The following IGSF9B variants were observed in gnomAD, a reference collection of about 807,000 sequenced individuals.
IGSF9B encodes the protein immunoglobulin superfamily member 9B, also known as protein turtle homolog B.
IGSF9B carries 48 observed loss-of-function variants against 143.7 expected under a neutral mutation model. That is an observed-to-expected ratio of 0.33 (90% CI 0.26 to 0.42). The LOEUF is 0.42. Ranked by LOEUF, IGSF9B falls within the 20% of genes least tolerant of loss-of-function variation. The pLI is 1.00. For synonymous variants in IGSF9B, 903 were observed against 833.1 expected (o/e 1.08, Z -1.44); for missense variants, 1,706 against 1,980.0 (o/e 0.86, Z 2.63).
intron 3 of IGSF9B, among the ~76,000 whole-genome samples, chr11:133,943,045 C>T (rs1048706906): frequency 3.3e-5 from 5 of 152,114 alleles, no homozygotes; most frequent in African/African-American, 1.2e-4. Context: ...CTGGCCCAGC[C>T]CCCCCAGGCA....
rs978884738 is a variant in IGSF9B, at chr11:133,898,293, C to A, written c.*10776G>T. On this transcript the variant is annotated 3_prime_UTR_variant, in exon 20 of 20. Coordinates refer to ENST00000533871, the MANE Select transcript of IGSF9B (RefSeq NM_001277285.4). ...AAGAAGAACTACAGCAAGAGGCTGCCGCGCACCGAGAGGTACAGAGTTTGT... is the reference window on the plus strand; with the variant it reads ...AAGAAGAACTACAGCAAGAGGCTGCAGCGCACCGAGAGGTACAGAGTTTGT... 2.6e-5 allele frequency: 4 copies of A among 152,352 alleles called. No individual in the cohort carries two copies. Among genetic ancestry groups the A allele is most frequent in the Non-Finnish European group, 5.9e-5 (4 of 68,176 alleles). The allele number at this position is 152,352 out of a possible 1,614,324, so 9.4% of individuals were successfully genotyped here.
At position 133,931,196 on chromosome 11, in the gene IGSF9B, G is replaced by A. The variant is rs1340641994; in HGVS notation, c.1369-62C>T. The A allele has an allele frequency of 7.9e-6, 12 of 1,524,416 alleles. No homozygotes were observed. The highest frequency in any genetic ancestry group is 4.6e-5 in the East Asian group (2 of 43,880). The allele number at this position is 1,524,416 out of a possible 1,614,324, so 94.4% of individuals were successfully genotyped here. On this transcript the variant is annotated intron_variant, in intron 10 of 19. Transcript: ENST00000533871. The surrounding 1 kb of genome is among the most constrained non-coding windows in gnomAD (Gnocchi z 7.7). Reference sequence around the variant, plus strand: ...GAAATGGGGGTTAGGAGAGAAGCCCGAAGCAGATGGGGAGGACGCGCCTGA... The same window carrying A: ...GAAATGGGGGTTAGGAGAGAAGCCCAAAGCAGATGGGGAGGACGCGCCTGA...
At chr11:133,949,417 G>A (rs1338717502) in intron 1 of IGSF9B, among the ~76,000 whole-genome samples, 1 of 152,060 alleles carries the variant, frequency 6.6e-6, no homozygotes, top group Non-Finnish European at 1.5e-5. Context: ...GCCAAAGTAT[G>A]TCTAATAACA....
intron 13 of IGSF9B, 98 bp from the exon 14 acceptor site, chr11:133,926,063 G>A: frequency 1.1e-6 from 1 of 890,392 alleles, no homozygotes. Flanking sequence ...GGCCCAGAGG[G>A]AAGCAGAGTC....
At chr11:133,934,943 T>G (rs1217324486) in intron 7 of IGSF9B, among the ~76,000 whole-genome samples, 1 of 152,208 alleles carries the variant, frequency 6.6e-6, no homozygotes, top group East Asian at 1.9e-4. Context: ...AAGATATTAC[T>G]CCTCATTACT....
At chr11:133,921,525 G>A (rs1259645256) in intron 17 of IGSF9B, 128 bp from the exon 18 acceptor site, 11 of 685,346 alleles carry the variant, frequency 1.6e-5, no homozygotes, top group Middle Eastern at 4.1e-4. Flanking sequence ...GCTGTGTATC[G>A]TGGTGTGAAA....
At chr11:133,938,046 C>G in intron 3 of IGSF9B, 85 bp from the exon 4 acceptor site, 3 of 1,417,728 alleles carry the variant, frequency 2.1e-6, no homozygotes, top group Non-Finnish European at 2.9e-6. Flanking sequence ...ACACATCACC[C>G]TCGCTGCGGC....
chr11:133,937,010 A>G (rs898682685), intron 5 of IGSF9B, among the ~76,000 whole-genome samples: 1 of 152,164 alleles, frequency 6.6e-6, no homozygotes, highest in African/African-American at 2.4e-5. Context: ...TTCTATCTTT[A>G]TTTATTGATG....
intron 1 of IGSF9B, among the ~76,000 whole-genome samples, chr11:133,955,988 G>T (rs1251118485): frequency 1.3e-5 from 2 of 152,010 alleles, no homozygotes; most frequent in Non-Finnish European, 2.9e-5. Flanking sequence ...GCGCTCCCGG[G>T]GAACTTTTGC....
In IGSF9B at chr11:133,919,930, C is replaced by A; in HGVS notation, c.3795G>T (p.Gly1265=). The part of the protein sequence containing the change: ...TGSPSQSSRS[G]SPSYRPAMGF... Reference sequence around the variant, plus strand: ...CCATGGCGGGCCGGTAGCTGGGACTCCCACTGCGGCTGCTCTGGGAGGGGG... The same window carrying A: ...CCATGGCGGGCCGGTAGCTGGGACTACCACTGCGGCTGCTCTGGGAGGGGG... Residue 1265 remains glycine (G), a synonymous_variant, in exon 18 of 20, where the codon GGG becomes GGT. Transcript: ENST00000533871. 6.4e-7 allele frequency: 1 copy of A among 1,555,672 alleles called. No homozygotes were observed. The highest frequency in any genetic ancestry group is 8.7e-7 in the Non-Finnish European group (1 of 1,149,686).
rs746374013 is a variant in IGSF9B at position 133,902,925 on chromosome 11, C to G, written c.*6144G>C. Among the ~76,000 whole-genome samples, 5 of 152,124 alleles carry G rather than the reference C, an allele frequency of 3.3e-5. No homozygotes were observed. The highest frequency in any genetic ancestry group is 9.7e-5 in the African/African-American group (4 of 41,420). On this transcript the variant is annotated 3_prime_UTR_variant, in exon 20 of 20. Transcript: ENST00000533871. ...ACCAGCGTGAGGAGGGCTGGGCACTCGCCCCTCCCATGGCTTATATGAAAA... is the reference window on the plus strand; with the variant it reads ...ACCAGCGTGAGGAGGGCTGGGCACTGGCCCCTCCCATGGCTTATATGAAAA...
At position 133,908,875 on chromosome 11, in the gene IGSF9B, G is replaced by A. The variant is rs551494790; in HGVS notation, c.*194C>T. 1.7e-6 allele frequency: 1 copy of A among 581,420 alleles called. No individual in the cohort carries two copies. The highest frequency in any genetic ancestry group is 3.0e-6 in the Non-Finnish European group (1 of 327,926). 36.0% of individuals were successfully genotyped at this position (581,420 alleles called of 1,614,324 possible). ...TCCTGACCTCGACCCACAGGTGGAA[G>A]GTGTGCCCACCCTCCGTCCTGAAGA... On this transcript the variant is annotated 3_prime_UTR_variant, in exon 20 of 20. Transcript: ENST00000533871.
rs753788252 is a variant in IGSF9B, at chr11:133,929,723, C to T, written c.1579G>A (p.Val527Met). The T allele has an allele frequency of 7.4e-6, 12 of 1,613,812 alleles. No individual in the cohort carries two copies. Among genetic ancestry groups the T allele is most frequent in the African/African-American group, 2.7e-5 (2 of 74,924 alleles). ...CCATCATAGCCTGGTTCCCAGGACA[C>T]GTTGGCAGTTGTCATGGAGACCTGG... is the stretch of plus-strand genomic sequence containing the variant. ...RVQVSMTTAN[V>M]SWEPGYDGGY... Residue 527 changes from valine (V) to methionine (M), a missense_variant, in exon 12 of 20, where the codon GTG (valine) becomes ATG (methionine). This residue lies in a region of IGSF9B where 267 missense variants were observed against 321.1 expected (regional missense o/e 0.83). Transcript: ENST00000533871.
rs1939043603 is a variant in IGSF9B at position 133,897,722 on chromosome 11, T to C, written c.*11347A>G. On this transcript the variant is annotated 3_prime_UTR_variant, in exon 20 of 20. Transcript: ENST00000533871. ...AAGAAAAAAAAGCTTACTGAAAAAATAGTGGTTTTATTTACTTTTGAGTTA... is the reference window on the plus strand; with the variant it reads ...AAGAAAAAAAAGCTTACTGAAAAAACAGTGGTTTTATTTACTTTTGAGTTA... The C allele has an allele frequency of 6.6e-6, 1 of 152,160 alleles. No individual in the cohort carries two copies. The highest frequency in any genetic ancestry group is 1.5e-5 in the Non-Finnish European group (1 of 68,032). The allele number at this position is 152,160 out of a possible 1,614,324, so 9.4% of individuals were successfully genotyped here.
intron 3 of IGSF9B, 55 bp from the exon 4 acceptor site, chr11:133,938,016 G>A (rs982255958): frequency 1.1e-5 from 17 of 1,576,090 alleles, no homozygotes; most frequent in Non-Finnish European, 1.5e-5. Flanking sequence ...TCGCTGCCCT[G>A]CAACAACAGT....
intron 1 of IGSF9B, among the ~76,000 whole-genome samples, chr11:133,951,387 T>G (rs1940156138): frequency 6.6e-6 from 1 of 152,064 alleles, no homozygotes; most frequent in Non-Finnish European, 1.5e-5. Context: ...ACCTCTCAGG[T>G]TCGGAAGCCA....
Position 133,921,386 on chromosome 11 carries a change from C to A in IGSF9B, c.2339G>T (p.Gly780Val), listed in dbSNP as rs749780538. ...GCGGATGCTCTCGGGGCTCACCTTG[C>A]CAGAGGACAAGCTGCAAGGAGGAGC... is the stretch of plus-strand genomic sequence containing the variant. ...RKSLESPLSSGKVSPESIRTL... is the reference protein window; with the variant it reads ...RKSLESPLSSVKVSPESIRTL... The change falls in exon 18 of 20, where the codon GGC (glycine) becomes GTC (valine). Residue 780 changes from glycine (G) to valine (V), a missense_variant. Gly to Val is a moderately radical substitution (Grantham distance 109). Transcript: ENST00000533871. 4 of 1,521,822 alleles carry A rather than the reference C, an allele frequency of 2.6e-6. No individual in the cohort carries two copies. The highest frequency in any genetic ancestry group is 3.5e-6 in the Non-Finnish European group (4 of 1,135,404). The allele number at this position is 1,521,822 out of a possible 1,614,324, so 94.3% of individuals were successfully genotyped here.
At chr11:133,916,097 G>A (rs2121277807) in intron 18 of IGSF9B, among the ~76,000 whole-genome samples, 1 of 152,294 alleles carries the variant, frequency 6.6e-6, no homozygotes, top group South Asian at 2.1e-4. Context: ...CTGCCTCCCT[G>A]CGGTGACAGT....
intron 1 of IGSF9B, among the ~76,000 whole-genome samples, chr11:133,954,884 A>G (rs1020367848): frequency 6.6e-6 from 1 of 152,032 alleles, no homozygotes. Flanking sequence ...AGAGGGCATA[A>G]CCTTCATGCC....
Sources: allele counts gnomAD v4.1 joint callset (sites outside exome capture counted in the v4.1 genomes callset), GRCh38; gene constraint gnomAD v4.1.1; regional missense constraint gnomAD v4.1.1; non-coding constraint Gnocchi (gnomAD v3.1); transcripts MANE v1.5; gene names NCBI Gene and HGNC (gene_info 2026-07-23, HGNC 2026-07-21).